The following KIF3C variants were observed in gnomAD, a reference collection of about 807,000 sequenced individuals.
KIF3C encodes the protein kinesin family member 3C.
KIF3C carries 12 observed loss-of-function variants against 67.7 expected under a neutral mutation model. That is an observed-to-expected ratio of 0.18 (90% CI 0.11 to 0.29). The LOEUF is 0.29. KIF3C is among the 10% of genes least tolerant of loss of function. The pLI is 1.00. For missense variants in KIF3C, 789 were observed against 1,059.6 expected (o/e 0.74, Z 3.55); for synonymous variants, 393 against 426.2 (o/e 0.92, Z 0.96).
chr2:25,963,196 ATTTTTTTT>A (rs1165957083), intron 1 of KIF3C, among the ~76,000 whole-genome samples: 31 of 43,286 alleles, frequency 7.2e-4, no homozygotes, highest in African/African-American at 3.5e-3. Context: ...ATATATATAT[ATTTTTTTT>A]TTTTTTTTTT....
chr2:25,974,260 G>A (rs1037940844), intron 1 of KIF3C, among the ~76,000 whole-genome samples: 8 of 152,064 alleles, frequency 5.3e-5, no homozygotes, highest in African/African-American at 1.9e-4. Flanking sequence ...AGTAGAGACG[G>A]GGTTTCACCA....
chr2:25,939,468 G>A (rs762702092), intron 5 of KIF3C, among the ~76,000 whole-genome samples: 25 of 152,184 alleles, frequency 1.6e-4, no homozygotes, highest in Non-Finnish European at 2.8e-4. Context: ...TGCTGTCCCC[G>A]ACCCGCCTGG....
chr2:25,970,667 C>CAAAAAAAAAAAAAA (rs397984116), intron 1 of KIF3C, among the ~76,000 whole-genome samples: 1 of 54,788 alleles, frequency 1.8e-5, no homozygotes, highest in African/African-American at 8.0e-5. Flanking sequence ...AACTTTGTCT[C>CAAAAAAAAAAAAAA]AAAAAAAAAA....
At chr2:25,969,499 C>T (rs1208514147) in intron 1 of KIF3C, among the ~76,000 whole-genome samples, 1 of 151,748 alleles carries the variant, frequency 6.6e-6, no homozygotes, top group Non-Finnish European at 1.5e-5. Flanking sequence ...AAAAAAAGTC[C>T]CAGATGACTT....
In KIF3C at chr2:25,980,857, G is replaced by A; in HGVS notation, c.1061C>T (p.Ser354Phe). 1 of 1,614,204 alleles carries A rather than the reference G, an allele frequency of 6.2e-7. No individual in the cohort carries two copies. Among genetic ancestry groups the A allele is most frequent in the Non-Finnish European group, 8.5e-7 (1 of 1,180,024 alleles). ...PASHSYDESL[S>F]TLRFANRAKN... ...GGCTCGGTTGGCAAAGCGCAAGGTG[G>A]AGAGGCTCTCATCGTAGCTGTGAGA... is the stretch of plus-strand genomic sequence containing the variant. Residue 354 changes from serine to phenylalanine, a missense_variant, in exon 1 of 8, where the codon TCC becomes TTC. Around this residue, in one of 2 missense-constraint regions of KIF3C, gnomAD observed 648 missense variants for 807.8 expected, o/e 0.80. Transcript: ENST00000264712. This position sits in a 1 kb window ranked among gnomAD's most constrained non-coding sequence, Gnocchi z 7.6.
At position 25,954,045 on chromosome 2, in the gene KIF3C, T is replaced by G; in HGVS notation, c.1889+222A>C. 3 of 534,548 alleles carry G rather than the reference T, an allele frequency of 5.6e-6. No homozygotes were observed. The South Asian group carries it at 7.9e-5, about 14-fold the overall frequency. The allele number at this position is 534,548 out of a possible 1,614,324, so 33.1% of individuals were successfully genotyped here. ...AGCCTCAGGGCCTTCGGAGTTACTT[T>G]TGGCCAGCACCTAGCGTCCATTTTG... On this transcript the variant is annotated intron_variant, in intron 4 of 7. Transcript: ENST00000264712.
rs1663863376 is a variant in KIF3C at position 25,958,473 on chromosome 2, C to A, written c.1546-2029G>T. On this transcript the variant is annotated intron_variant, in intron 1 of 7. Coordinates refer to ENST00000264712, the MANE Select transcript of KIF3C (RefSeq NM_002254.8). The surrounding 1 kb of genome is among the most constrained non-coding windows in gnomAD (Gnocchi z 4.5). ...GCGTGCACCTGTAGTCCTAGATACTCAGGAGGCTGAGGCAGGAGAATCGGT... is the reference window on the plus strand; with the variant it reads ...GCGTGCACCTGTAGTCCTAGATACTAAGGAGGCTGAGGCAGGAGAATCGGT... Among the ~76,000 whole-genome samples, 1 of 152,034 alleles carries A rather than the reference C, an allele frequency of 6.6e-6. No homozygotes were observed. The highest frequency in any genetic ancestry group is 2.4e-5 in the African/African-American group (1 of 41,404).
chr2:25,970,995 G>A (rs187558718), intron 1 of KIF3C, among the ~76,000 whole-genome samples: 7,334 of 148,526 alleles, frequency 0.049, 421 homozygotes, highest in African/African-American at 0.14. Flanking sequence ...AAAAAGGGCC[G>A]GGCACAGTGG....
chr2:25,931,530 A>G (rs1256777385), intron 5 of KIF3C, among the ~76,000 whole-genome samples: 1 of 152,206 alleles, frequency 6.6e-6, no homozygotes, highest in Non-Finnish European at 1.5e-5. Context: ...TGTGTAACAC[A>G]AAGAGGTACA....
At position 25,982,450 on chromosome 2, in the gene KIF3C, T is replaced by TGCCTCC; in HGVS notation, c.-539_-534dup. On this transcript the variant is annotated 5_prime_UTR_variant, in exon 1 of 8. Transcript: ENST00000264712. ...CAGCCAGCGCGGCTGCTGCTGCCTC[T>TGCCTCC]GCCTCCGCCTTCCCCGCCGCCGCCA... is the stretch of plus-strand genomic sequence containing the variant. The TGCCTCC allele has an allele frequency of 5.0e-6, 2 of 398,642 alleles. No homozygotes were observed. Among genetic ancestry groups the TGCCTCC allele is most frequent in the Non-Finnish European group, 8.8e-6 (2 of 226,124 alleles). The allele number at this position is 398,642 out of a possible 1,614,324, so 24.7% of individuals were successfully genotyped here.
intron 1 of KIF3C, among the ~76,000 whole-genome samples, chr2:25,966,589 G>A (rs1180673361): frequency 1.3e-5 from 2 of 152,224 alleles, no homozygotes; most frequent in Non-Finnish European, 2.9e-5. Context: ...TATTCCAGGA[G>A]CAAATGGAGT....
intron 1 of KIF3C, among the ~76,000 whole-genome samples, chr2:25,970,363 A>G (rs1236666385): frequency 6.6e-6 from 1 of 152,120 alleles, no homozygotes; most frequent in African/African-American, 2.4e-5. Flanking sequence ...TGATACACAT[A>G]AAGAACACAT....
Position 25,981,757 on chromosome 2 carries a change from A to C in KIF3C, c.161T>G (p.Leu54Arg). ...GGCGTCAAAGGTGAAGGTCTTGGGC[A>C]GCTCCCCCGGGGCGGCGCGGGGGTT... The part of the protein sequence containing the change: ...LRNPRAAPGE[L>R]PKTFTFDAVY... The change falls in exon 1 of 8, where the codon CTG becomes CGG. Residue 54 changes from leucine (L) to arginine (R), a missense_variant. Physicochemically the swap from Leu to Arg is moderately radical, Grantham distance 102. This residue lies in a region of KIF3C where 141 missense variants were observed against 251.8 expected (regional missense o/e 0.56). Transcript: ENST00000264712. The surrounding 1 kb of genome is among the most constrained non-coding windows in gnomAD (Gnocchi z 8.2). The C allele has an allele frequency of 6.2e-7, 1 of 1,613,730 alleles. No homozygotes were observed. The highest frequency in any genetic ancestry group is 8.5e-7 in the Non-Finnish European group (1 of 1,179,824).
intron 5 of KIF3C, among the ~76,000 whole-genome samples, chr2:25,945,786 CAACTT>C (rs112741634): frequency 0.025 from 3,809 of 152,130 alleles, 153 homozygotes; most frequent in African/African-American, 0.086. Context: ...CAAAATAATA[CAACTT>C]AACACTATGG....
rs1214106688 is a variant in KIF3C, at chr2:25,980,345, G to T, written c.1545+28C>A. The T allele has an allele frequency of 1.3e-6, 2 of 1,572,970 alleles. No individual in the cohort carries two copies. Among genetic ancestry groups the T allele is most frequent in the African/African-American group, 1.4e-5 (1 of 73,786 alleles). On this transcript the variant is annotated intron_variant, in intron 1 of 7. Coordinates refer to ENST00000264712, the MANE Select transcript of KIF3C (RefSeq NM_002254.8). This position sits in a 1 kb window ranked among gnomAD's most constrained non-coding sequence, Gnocchi z 7.6. Reference sequence around the variant, plus strand: ...CCGGGATCCCCTGCGGGGACATCTCGAGTGCCCAGCTCCTCTGGGGCCCTT... The same window carrying T: ...CCGGGATCCCCTGCGGGGACATCTCTAGTGCCCAGCTCCTCTGGGGCCCTT...
In KIF3C at chr2:25,938,194, C is replaced by G. The variant is rs1663188600; in HGVS notation, c.2007-8131G>C. 7.4e-6 allele frequency: 3 copies of G among 405,570 alleles called. No individual in the cohort carries two copies. The Admixed American group carries it at 8.6e-5, about 12-fold the overall frequency. The allele number at this position is 405,570 out of a possible 1,614,324, so 25.1% of individuals were successfully genotyped here. On this transcript the variant is annotated intron_variant, in intron 5 of 7. Coordinates refer to ENST00000264712, the MANE Select transcript of KIF3C (RefSeq NM_002254.8). ...CCTGGCCAATTTGGTAAAACCCCCTCTCTACCAAAAATACAAAAATTAGCT... is the reference window on the plus strand; with the variant it reads ...CCTGGCCAATTTGGTAAAACCCCCTGTCTACCAAAAATACAAAAATTAGCT...
intron 1 of KIF3C, among the ~76,000 whole-genome samples, chr2:25,963,255 G>A (rs1269582099): frequency 4.0e-5 from 5 of 124,874 alleles, no homozygotes; most frequent in Non-Finnish European, 8.0e-5. Flanking sequence ...ACCCAGGCTG[G>A]AGTGCAGTGG....
chr2:25,932,474 T>G (rs764432504), intron 5 of KIF3C, among the ~76,000 whole-genome samples: 11 of 151,788 alleles, frequency 7.2e-5, no homozygotes, highest in Non-Finnish European at 1.3e-4. Context: ...AATAAAATGG[T>G]TAAAAACTCA....
At chr2:25,954,168 G>C in intron 4 of KIF3C, 99 bp downstream of exon 4, 1 of 862,080 alleles carries the variant, frequency 1.2e-6, no homozygotes, top group Non-Finnish European at 2.0e-6. Flanking sequence ...AAGGACTCAT[G>C]GGAGAGGAGA....
Sources: allele counts gnomAD v4.1 joint callset (sites outside exome capture counted in the v4.1 genomes callset), GRCh38; gene constraint gnomAD v4.1.1; regional missense constraint gnomAD v4.1.1; non-coding constraint Gnocchi (gnomAD v3.1); transcripts MANE v1.5; gene names NCBI Gene and HGNC (gene_info 2026-07-23, HGNC 2026-07-21).